The following LMF1 variants were observed in gnomAD, a reference collection of about 807,000 sequenced individuals.
LMF1 encodes lipase maturation factor 1, also known as transmembrane protein 112.
A neutral mutation model predicts 60.6 loss-of-function variants in LMF1; 68 were observed. The observed-to-expected ratio is 1.12, with a 90% CI of 0.92 to 1.37. The LOEUF (loss-of-function observed/expected upper bound fraction) is 1.37. Ranked by LOEUF, LMF1 falls within the 40% of genes most tolerant of loss-of-function variation. The pLI, the probability that LMF1 is intolerant of heterozygous loss-of-function variation, is 0.00. For missense variants in LMF1, 948 were observed against 767.2 expected (o/e 1.24, Z -2.78); for synonymous variants, 418 against 324.7 (o/e 1.29, Z -3.09).
chr16:955,105 C>T (rs202012143), intron 1 of LMF1, among the ~76,000 whole-genome samples: 8,793 of 46,882 alleles, frequency 0.19, 1,115 homozygotes, highest in African/African-American at 0.44. Flanking sequence ...GGTGTGTGCA[C>T]ACACACACAC....
At chr16:899,905 C>G (rs12918114) in intron 4 of LMF1, 54,005 of 152,212 alleles carry the variant, frequency 0.35, 11,607 homozygotes, top group African/African-American at 0.6. Flanking sequence ...CCCTGGACGC[C>G]GGATGTGCCG....
rs1323476797 is a variant in LMF1 at position 854,423 on chromosome 16, C to T, written c.*109G>A. On this transcript the variant is annotated 3_prime_UTR_variant, in exon 11 of 11. Coordinates refer to ENST00000262301, the MANE Select transcript of LMF1 (RefSeq NM_022773.4). ...GCTGGGGGCTGGGTCCCACCGCTCT[C>T]CTCTCCACGTCTCTCTTGGCGATGC... 3 of 1,136,888 alleles carry T rather than the reference C, an allele frequency of 2.6e-6. No homozygotes were observed. Among genetic ancestry groups the T allele is most frequent in the South Asian group, 1.4e-5 (1 of 73,692 alleles). The allele number at this position is 1,136,888 out of a possible 1,614,324, so 70.4% of individuals were successfully genotyped here.
intron 2 of LMF1, among the ~76,000 whole-genome samples, chr16:937,002 G>A (rs1469591287): frequency 6.6e-6 from 1 of 152,122 alleles, no homozygotes; most frequent in Non-Finnish European, 1.5e-5. Flanking sequence ...TTTATCAGAA[G>A]GGACCAAGGC....
At chr16:868,195 TGCCCCACCCTGG>T (rs763823960) in intron 10 of LMF1, among the ~76,000 whole-genome samples, 8 of 152,056 alleles carry the variant, frequency 5.3e-5, no homozygotes, top group Admixed American at 3.3e-4. Context: ...CTCCATGCTC[TGCCCCACCCTGG>T]GCCCCACCCC....
At chr16:978,707 G>C (rs1033110897) in intron 1 of LMF1, among the ~76,000 whole-genome samples, 2 of 152,272 alleles carry the variant, frequency 1.3e-5, no homozygotes, top group African/African-American at 4.8e-5. Flanking sequence ...ATGCAGACAC[G>C]GCGGAGCAGG....
chr16:871,518 G>A, intron 6 of LMF1, 177 bp from the exon 7 acceptor site: 1 of 638,946 alleles, frequency 1.6e-6, no homozygotes, highest in East Asian at 2.7e-5. Flanking sequence ...GGAGGGGACA[G>A]CAGATGCCTC....
At chr16:899,085 G>C (rs1371818056) in intron 4 of LMF1, 1 of 152,276 alleles carries the variant, frequency 6.6e-6, no homozygotes, top group Non-Finnish European at 1.5e-5. Flanking sequence ...GCACTGTCCT[G>C]TGTGATTGTC....
At chr16:860,577 G>T (rs759626703) in intron 10 of LMF1, among the ~76,000 whole-genome samples, 3 of 152,138 alleles carry the variant, frequency 2.0e-5, no homozygotes, top group Non-Finnish European at 4.4e-5. Flanking sequence ...CTGAGGTCAA[G>T]CAATCTGCCC....
chr16:947,182 C>T (rs1404160261), intron 2 of LMF1, among the ~76,000 whole-genome samples: 1 of 152,246 alleles, frequency 6.6e-6, no homozygotes, highest in East Asian at 1.9e-4. Flanking sequence ...TGTGTGGCAA[C>T]TGCCACCCCT....
upstream of LMF1, chr16:981,303 TGAGAGAGAGAGA>T (rs751174711): frequency 1.6e-3 from 335 of 214,390 alleles, no homozygotes; most frequent in Middle Eastern, 6.9e-3. Flanking sequence ...TGTGTGTGTG[TGAGAGAGAGAGA>T]GAGAGAGAGA....
At chr16:940,285 G>A (rs1213572713) in intron 2 of LMF1, among the ~76,000 whole-genome samples, 2 of 152,124 alleles carry the variant, frequency 1.3e-5, no homozygotes, top group Non-Finnish European at 2.9e-5. Flanking sequence ...GCCTCCCCAC[G>A]TGGTCACGGT....
At chr16:911,696 AGCAGCACTGGGGAG>A (rs1369064182) in intron 3 of LMF1, among the ~76,000 whole-genome samples, 5,629 of 64,920 alleles carry the variant, frequency 0.087, 185 homozygotes, top group South Asian at 0.11. Context: ...GCACTGGGGG[AGCAGCACTGGGGAG>A]GCAGCACTGG....
rs1408274112 is a variant in LMF1 at position 950,188 on chromosome 16, C to T, written c.503+4169G>A. ...CAGCCAACGACAGAGTCAGAGCCAA[C>T]GACAGAGTCAGCCAATGACAGAGTC... On this transcript the variant is annotated intron_variant, in intron 2 of 10. Coordinates refer to ENST00000262301, the MANE Select transcript of LMF1 (RefSeq NM_022773.4). 1.4e-4 allele frequency among the ~76,000 whole-genome samples: 14 copies of T among 97,004 alleles called. 5 individuals are homozygous for T. The highest frequency in any genetic ancestry group is 7.4e-4 in the African/African-American group (12 of 16,240). 63.6% of individuals were successfully genotyped at this position (97,004 alleles called of 152,430 possible).
intron 2 of LMF1, among the ~76,000 whole-genome samples, chr16:954,066 C>CCAAACCAGCCTCCT (rs1457429410): frequency 6.6e-5 from 10 of 152,042 alleles, no homozygotes; most frequent in South Asian, 4.2e-4. Context: ...GACACAGACC[C>CCAAACCAGCCTCCT]ACTGCTTCTG....
intron 3 of LMF1, among the ~76,000 whole-genome samples, chr16:930,161 C>G (rs1236417896): frequency 7.1e-6 from 1 of 141,656 alleles, no homozygotes; most frequent in Non-Finnish European, 1.6e-5. Flanking sequence ...GCGCAGGACC[C>G]TGGGACACAG....
At position 878,796 on chromosome 16, in the gene LMF1, ATC is replaced by A. The variant is rs1475599797; in HGVS notation, c.897+772_897+773del. Among the ~76,000 whole-genome samples, 4 of 151,882 alleles carry A rather than the reference ATC, an allele frequency of 2.6e-5. No individual in the cohort carries two copies. Among genetic ancestry groups the A allele is most frequent in the African/African-American group, 7.3e-5 (3 of 41,224 alleles). On this transcript the variant is annotated intron_variant, in intron 6 of 10. Coordinates refer to ENST00000262301, the MANE Select transcript of LMF1 (RefSeq NM_022773.4). The surrounding 1 kb of genome is among the most constrained non-coding windows in gnomAD (Gnocchi z 5.2). ...GAAGGGGCGTGGGACACCCAGGTAC[ATC>A]TGTTTTCCAGAGCACGTGGAACGCC... is the stretch of plus-strand genomic sequence containing the variant.
At chr16:972,418 G>C (rs2073067904), upstream of LMF1, among the ~76,000 whole-genome samples, 1 of 152,174 alleles carries the variant, frequency 6.6e-6, no homozygotes, top group South Asian at 2.1e-4. Context: ...CATCGGCCCT[G>C]GCTGGCGCCC....
chr16:972,224 T>C (rs567524299), upstream of LMF1, among the ~76,000 whole-genome samples: 1 of 147,114 alleles, frequency 6.8e-6, no homozygotes, highest in South Asian at 2.3e-4. Flanking sequence ...CATCTTATGG[T>C]TTAATTCATT....
At position 878,626 on chromosome 16, in the gene LMF1, G is replaced by A. The variant is rs572675944; in HGVS notation, c.897+944C>T. ...GGCACGCACCGTGAAACAGGACCCGGCCAACAACCATGGGCGCCCCCACGT... is the reference window on the plus strand; with the variant it reads ...GGCACGCACCGTGAAACAGGACCCGACCAACAACCATGGGCGCCCCCACGT... On this transcript the variant is annotated intron_variant, in intron 6 of 10. Transcript: ENST00000262301. The surrounding 1 kb of genome is among the most constrained non-coding windows in gnomAD (Gnocchi z 5.2). Among the ~76,000 whole-genome samples the A allele has an allele frequency of 2.0e-5, 3 of 151,960 alleles. No individual in the cohort carries two copies. In the South Asian group the frequency reaches 6.2e-4, roughly 31 times the overall value.
Sources: gnomAD v4.1 joint callset for allele counts (sites outside exome capture counted in the v4.1 genomes callset) on GRCh38, gnomAD v4.1.1 for gene constraint, Gnocchi (gnomAD v3.1) non-coding constraint, MANE v1.5 for transcripts, NCBI Gene and HGNC (gene_info 2026-07-23, HGNC 2026-07-21) for gene names.